MIOS: variants seen among roughly 807,000 people sequenced by gnomAD.
The protein encoded by MIOS is meiosis regulator for oocyte development.
A neutral mutation model predicts 96.9 loss-of-function variants in MIOS; 52 were observed. That is an observed-to-expected ratio of 0.54 (90% CI 0.43 to 0.68). MIOS has a LOEUF of 0.68. Among genes scored for constraint, MIOS ranks in the 30% least tolerant of loss-of-function variants. The probability of loss-of-function intolerance (pLI) is 0.00; values close to 1 mark genes in which losing one functional copy is unlikely to be tolerated. For missense variants in MIOS, 1,005 were observed against 1,052.8 expected, an observed-to-expected ratio of 0.95 and a Z score of 0.63; for synonymous variants, 397 against 359.5, an observed-to-expected ratio of 1.10 and a Z score of -1.18.
chr7:7,600,477 T>G (rs1445921184), intron 11 of MIOS, among the ~76,000 whole-genome samples: 1 of 152,154 alleles, frequency 6.6e-6, no homozygotes, highest in African/African-American at 2.4e-5. Flanking sequence ...ACAAGGCCAT[T>G]ACATAATGGT....
At chr7:7,601,625 C>A (rs1440423590) in intron 11 of MIOS, among the ~76,000 whole-genome samples, 2 of 152,164 alleles carry the variant, frequency 1.3e-5, no homozygotes, top group African/African-American at 4.8e-5. Flanking sequence ...GGATTCACAG[C>A]CGAACTCTAC....
At chr7:7,581,584 C>T (rs1463756057) in intron 5 of MIOS, 1 of 152,136 alleles carries the variant, frequency 6.6e-6, no homozygotes, top group Non-Finnish European at 1.5e-5. Context: ...GGTTGGAGTG[C>T]TCTTCCAAGT....
intron 5 of MIOS, among the ~76,000 whole-genome samples, chr7:7,575,050 T>C (rs1183809012): frequency 6.6e-6 from 1 of 152,138 alleles, no homozygotes; most frequent in East Asian, 1.9e-4. Flanking sequence ...TGAAGCCTTT[T>C]GGACTTCAGT....
chr7:7,589,898 C>T (rs190234584), intron 9 of MIOS, among the ~76,000 whole-genome samples: 3 of 152,178 alleles, frequency 2.0e-5, no homozygotes, highest in African/African-American at 7.2e-5. Flanking sequence ...TTTTCCTGAT[C>T]TCAACTATAG....
At chr7:7,593,896 GAAAAAGAAAAGAAA>G (rs1784124317) in intron 9 of MIOS, among the ~76,000 whole-genome samples, 1 of 127,572 alleles carries the variant, frequency 7.8e-6, no homozygotes, top group Non-Finnish European at 1.6e-5. Flanking sequence ...AAAAAAAAAA[GAAAAAGAAAAGAAA>G]AAAAGAAAAC....
intron 10 of MIOS, among the ~76,000 whole-genome samples, chr7:7,595,635 A>G (rs1445062922): frequency 1.3e-5 from 2 of 152,164 alleles, no homozygotes; most frequent in Non-Finnish European, 2.9e-5. Context: ...TGTTATCCTC[A>G]ATATGAGCAC....
intron 11 of MIOS, among the ~76,000 whole-genome samples, chr7:7,598,214 ACT>A (rs1249334738): frequency 6.6e-6 from 1 of 152,124 alleles, no homozygotes; most frequent in Non-Finnish European, 1.5e-5. Flanking sequence ...TTTAATTCTA[ACT>A]CTGTGACATG....
At chr7:7,598,587 G>C (rs1784282656) in intron 11 of MIOS, among the ~76,000 whole-genome samples, 4 of 148,270 alleles carry the variant, frequency 2.7e-5, no homozygotes, top group Admixed American at 2.7e-4. Flanking sequence ...GAGAGCTCGA[G>C]GTAAAATATA....
At position 7,596,302 on chromosome 7, in the gene MIOS, T is replaced by C; in HGVS notation, c.2242T>C (p.Cys748Arg). Residue 748 changes from cysteine (C) to arginine (R), a missense_variant, in exon 11 of 13, where the codon TGT (cysteine) becomes CGT (arginine). Coordinates refer to ENST00000340080, the MANE Select transcript of MIOS (RefSeq NM_019005.4). Reference sequence around the variant, plus strand: ...CTGTGGCAAGTCAATCTCCTACAGCTGTTCAGCTGTGCCTCATCAGGGCAG... The same window carrying C: ...CTGTGGCAAGTCAATCTCCTACAGCCGTTCAGCTGTGCCTCATCAGGGCAG... ...NFCGKSISYS[C>R]SAVPHQGRGF... The C allele has an allele frequency of 6.2e-7, 1 of 1,614,176 alleles. No homozygotes were observed. The highest frequency in any genetic ancestry group is 8.5e-7 in the Non-Finnish European group (1 of 1,180,018).
At chr7:7,591,592 T>C (rs1784050496) in intron 9 of MIOS, among the ~76,000 whole-genome samples, 1 of 152,172 alleles carries the variant, frequency 6.6e-6, no homozygotes, top group Non-Finnish European at 1.5e-5. Context: ...AATTCTGATT[T>C]TTAATGTTTA....
intron 11 of MIOS, among the ~76,000 whole-genome samples, chr7:7,604,892 C>T (rs868641561): frequency 6.6e-6 from 1 of 151,676 alleles, no homozygotes; most frequent in Non-Finnish European, 1.5e-5. Flanking sequence ...CATATCAGAT[C>T]TATATTTTAT....
chr7:7,599,407 A>G (rs866058543), intron 11 of MIOS, among the ~76,000 whole-genome samples: 10 of 152,328 alleles, frequency 6.6e-5, no homozygotes, highest in Middle Eastern at 3.4e-3. Flanking sequence ...ATGAATTAGG[A>G]CTATTATATA....
intron 11 of MIOS, among the ~76,000 whole-genome samples, chr7:7,602,356 G>A (rs1784404878): frequency 6.6e-6 from 1 of 152,174 alleles, no homozygotes; most frequent in Non-Finnish European, 1.5e-5. Context: ...TCCTTAAGCT[G>A]ATAAGCAACT....
chr7:7,590,354 A>G (rs1192480267), intron 9 of MIOS, among the ~76,000 whole-genome samples: 2 of 152,248 alleles, frequency 1.3e-5, no homozygotes. Flanking sequence ...GTACCCTTCT[A>G]TAACATTTTT....
At chr7:7,571,953 T>G (rs1251253656) in intron 3 of MIOS, among the ~76,000 whole-genome samples, 1 of 152,230 alleles carries the variant, frequency 6.6e-6, no homozygotes, top group Non-Finnish European at 1.5e-5. Context: ...TAGTGCTCAG[T>G]AGCTACATGT....
At chr7:7,568,391 G>T (rs1783225712) in intron 3 of MIOS, among the ~76,000 whole-genome samples, 1 of 152,094 alleles carries the variant, frequency 6.6e-6, no homozygotes, top group South Asian at 2.1e-4. Flanking sequence ...GTGGCTGTAG[G>T]ATTTCTGACT....
At chr7:7,574,013 A>G in intron 4 of MIOS, 85 bp from the exon 5 acceptor site, 2 of 1,112,178 alleles carry the variant, frequency 1.8e-6, no homozygotes, top group Non-Finnish European at 2.6e-6. Flanking sequence ...ACTGATACTT[A>G]TTATGAATTG....
intron 5 of MIOS, chr7:7,582,601 A>C (rs575719349): frequency 1.0e-6 from 1 of 970,966 alleles, no homozygotes; most frequent in East Asian, 1.1e-4. Context: ...AGTACTTTGA[A>C]GTCTGTAATC....
chr7:7,598,893 TA>T (rs1784291661), intron 11 of MIOS, among the ~76,000 whole-genome samples: 1 of 152,112 alleles, frequency 6.6e-6, no homozygotes, highest in Non-Finnish European at 1.5e-5. Context: ...CATTTTTCCA[TA>T]TTTGTTATAG....
Sources: allele counts gnomAD v4.1 joint callset (sites outside exome capture counted in the v4.1 genomes callset), GRCh38; gene constraint gnomAD v4.1.1; transcripts MANE v1.5; gene names NCBI Gene and HGNC (gene_info 2026-07-23, HGNC 2026-07-21).